PCDHAC1: variants seen among roughly 807,000 people sequenced by gnomAD.
PCDHAC1 encodes the protein protocadherin alpha subfamily C, 1.
In PCDHAC1, 42 loss-of-function variants were observed where a neutral mutation model predicts 60.0. The observed-to-expected ratio is 0.70, with a 90% CI of 0.55 to 0.90. The LOEUF is 0.90. Among genes scored for constraint, PCDHAC1 ranks in the 40% least tolerant of loss-of-function variants. The probability of loss-of-function intolerance (pLI) is 0.00; values close to 1 mark genes in which losing one functional copy is unlikely to be tolerated. For missense variants in PCDHAC1, 1,160 were observed against 1,222.3 expected (o/e 0.95, Z 0.76); for synonymous variants, 468 against 499.3 (o/e 0.94, Z 0.84).
chr5:141,010,341 T>G lies in PCDHAC1; in HGVS notation c.*404T>G, dbSNP rs199826290. The stretch of plus-strand genomic sequence containing the variant: ...GAGCAGCTTGGGAGTTTGTGGCCAC[T>G]GGGTATGTGTGGCTACCGCGGGTAT... On this transcript the variant is annotated 3_prime_UTR_variant, in exon 4 of 4. Transcript: ENST00000253807. The G allele has an allele frequency of 4.0e-6, 6 of 1,503,220 alleles. No individual in the cohort carries two copies. Among genetic ancestry groups the G allele is most frequent in the Non-Finnish European group, 4.5e-6 (5 of 1,119,592 alleles). The allele number at this position is 1,503,220 out of a possible 1,614,324, so 93.1% of individuals were successfully genotyped here.
intron 1 of PCDHAC1, among the ~76,000 whole-genome samples, chr5:140,972,955 C>T (rs1450892735): frequency 6.6e-6 from 1 of 152,080 alleles, no homozygotes; most frequent in African/African-American, 2.4e-5. Context: ...AGCCACCATG[C>T]CCGGCAAAGG....
At chr5:141,001,908 G>T (rs2098043431) in intron 3 of PCDHAC1, among the ~76,000 whole-genome samples, 1 of 152,198 alleles carries the variant, frequency 6.6e-6, no homozygotes, top group Non-Finnish European at 1.5e-5. Flanking sequence ...GTTTGAAAAA[G>T]ACTGCAGTGG....
intron 1 of PCDHAC1, among the ~76,000 whole-genome samples, chr5:140,960,597 C>G (rs1315375637): frequency 1.3e-5 from 2 of 152,092 alleles, no homozygotes; most frequent in Non-Finnish European, 2.9e-5. Flanking sequence ...ATTCAAGGTA[C>G]TTCAACAATA....
chr5:140,934,833 G>C (rs1584817572), intron 1 of PCDHAC1, among the ~76,000 whole-genome samples: 1 of 152,100 alleles, frequency 6.6e-6, no homozygotes, highest in Admixed American at 6.5e-5. Context: ...GGCAAGTTGG[G>C]AACTGTTCAG....
At chr5:141,004,935 A>AATTTCTT (rs2098189293) in intron 3 of PCDHAC1, among the ~76,000 whole-genome samples, 1 of 152,112 alleles carries the variant, frequency 6.6e-6, no homozygotes, top group African/African-American at 2.4e-5. Context: ...GAGAGAAGAA[A>AATTTCTT]ATTTCTTACC....
intron 3 of PCDHAC1, among the ~76,000 whole-genome samples, chr5:140,986,151 G>T (rs547474191): frequency 6.6e-6 from 1 of 152,316 alleles, no homozygotes; most frequent in East Asian, 1.9e-4. Flanking sequence ...GCATCACCAA[G>T]TAATGTTTTC....
intron 1 of PCDHAC1, among the ~76,000 whole-genome samples, chr5:140,947,165 T>C (rs1034105702): frequency 6.6e-6 from 1 of 151,228 alleles, no homozygotes. Context: ...GGGTAGAAAA[T>C]GTGGTATATA....
chr5:140,969,184 C>A (rs1381646688), intron 1 of PCDHAC1: 1 of 1,613,998 alleles, frequency 6.2e-7, no homozygotes, highest in Non-Finnish European at 8.5e-7. Flanking sequence ...GTGACACTTT[C>A]ATGTTTTACA....
intron 1 of PCDHAC1, among the ~76,000 whole-genome samples, chr5:140,941,230 T>C (rs536346214): frequency 7.3e-6 from 1 of 137,584 alleles, no homozygotes; most frequent in African/African-American, 2.9e-5. Context: ...TTTCTTTCTT[T>C]CTTTCTTTCT....
chr5:140,985,533 G>T (rs2097156708), intron 3 of PCDHAC1, among the ~76,000 whole-genome samples: 1 of 152,082 alleles, frequency 6.6e-6, no homozygotes, highest in Admixed American at 6.6e-5. Context: ...AAGCTTCACG[G>T]TGAAGATGCA....
chr5:140,942,633 G>T (rs1554215141), intron 1 of PCDHAC1, among the ~76,000 whole-genome samples: 1 of 151,380 alleles, frequency 6.6e-6, no homozygotes, highest in Non-Finnish European at 1.5e-5. Context: ...AAAAAAAATG[G>T]CAAAAGAGAT....
At chr5:140,997,636 A>G (rs2097777002) in intron 3 of PCDHAC1, among the ~76,000 whole-genome samples, 2 of 151,964 alleles carry the variant, frequency 1.3e-5, no homozygotes, top group African/African-American at 4.8e-5. Flanking sequence ...AAAAAGCAAA[A>G]TGGGATAATG....
intron 3 of PCDHAC1, among the ~76,000 whole-genome samples, chr5:140,983,060 A>G (rs1460099092): frequency 6.6e-6 from 1 of 152,120 alleles, no homozygotes; most frequent in Non-Finnish European, 1.5e-5. Flanking sequence ...TATCGGAACC[A>G]AGGCATTGTT....
chr5:140,989,939 C>T (rs533490284), intron 3 of PCDHAC1, among the ~76,000 whole-genome samples: 2 of 152,004 alleles, frequency 1.3e-5, no homozygotes, highest in South Asian at 2.1e-4. Flanking sequence ...TGACATTCCA[C>T]GTTTTTCTCG....
At chr5:140,999,173 T>G (rs892201477) in intron 3 of PCDHAC1, among the ~76,000 whole-genome samples, 20 of 152,158 alleles carry the variant, frequency 1.3e-4, no homozygotes, top group African/African-American at 4.3e-4. Context: ...GAAAAGAGCC[T>G]GATGGGGAGA....
intron 3 of PCDHAC1, among the ~76,000 whole-genome samples, chr5:140,989,839 A>G (rs2097362613): frequency 6.6e-6 from 1 of 152,166 alleles, no homozygotes; most frequent in Admixed American, 6.5e-5. Context: ...CCTGTCAATG[A>G]GTGTGTGGAC....
At chr5:140,994,788 C>A (rs139745274) in intron 3 of PCDHAC1, among the ~76,000 whole-genome samples, 6 of 152,076 alleles carry the variant, frequency 3.9e-5, no homozygotes, top group Admixed American at 3.9e-4. Flanking sequence ...GGAAACAATG[C>A]GTGCATGCAA....
At chr5:140,987,239 G>T (rs1005484275) in intron 3 of PCDHAC1, among the ~76,000 whole-genome samples, 6 of 151,586 alleles carry the variant, frequency 4.0e-5, no homozygotes, top group East Asian at 1.9e-4. Flanking sequence ...AATAAATAAA[G>T]AAAGAAAGAC....
At chr5:141,009,150 G>T (rs1588228136) in intron 3 of PCDHAC1, among the ~76,000 whole-genome samples, 1 of 152,300 alleles carries the variant, frequency 6.6e-6, no homozygotes, top group African/African-American at 2.4e-5. Context: ...CTGCCCTCTT[G>T]CTTGTCTGTA....
Sources: gnomAD v4.1 joint callset for allele counts (sites outside exome capture counted in the v4.1 genomes callset) on GRCh38, gnomAD v4.1.1 for gene constraint, MANE v1.5 for transcripts, NCBI Gene and HGNC (gene_info 2026-07-23, HGNC 2026-07-21) for gene names.